The following LDLRAD3 variants were observed in gnomAD, a reference collection of about 807,000 sequenced individuals.
LDLRAD3 encodes low density lipoprotein receptor class A domain containing 3, also known as low-density lipoprotein receptor class A domain-containing protein 3.
Under a neutral mutation model 29.4 loss-of-function variants are expected in LDLRAD3, and 20 were observed. That is an observed-to-expected ratio of 0.68 (90% CI 0.48 to 0.99). The LOEUF (loss-of-function observed/expected upper bound fraction) is 0.99. Ranked by LOEUF, LDLRAD3 falls within the 50% of genes least tolerant of loss-of-function variation. The pLI, the probability that LDLRAD3 is intolerant of heterozygous loss-of-function variation, is 0.00. For missense variants in LDLRAD3, 420 were observed against 454.3 expected (o/e 0.92, Z 0.69); for synonymous variants, 157 against 192.7 (o/e 0.81, Z 1.53).
chr11:36,025,895 C>T (rs1852160903), intron 1 of LDLRAD3, among the ~76,000 whole-genome samples: 1 of 150,432 alleles, frequency 6.6e-6, no homozygotes, highest in South Asian at 2.1e-4. Flanking sequence ...TTCTCCTGCC[C>T]TATCCTCCTG....
intron 1 of LDLRAD3, among the ~76,000 whole-genome samples, chr11:36,003,604 T>A (rs1851850797): frequency 1.3e-5 from 2 of 152,198 alleles, no homozygotes; most frequent in African/African-American, 2.4e-5. Context: ...TTACATGATC[T>A]CCCTTTGGCT....
intron 1 of LDLRAD3, among the ~76,000 whole-genome samples, chr11:35,963,536 C>T (rs1000267685): frequency 9.2e-5 from 14 of 152,174 alleles, no homozygotes; most frequent in African/African-American, 3.1e-4. Context: ...CTTTGCCACC[C>T]GATTAAAGCC....
At chr11:36,195,310 A>G (rs992750136) in intron 4 of LDLRAD3, among the ~76,000 whole-genome samples, 1 of 151,846 alleles carries the variant, frequency 6.6e-6, no homozygotes, top group Non-Finnish European at 1.5e-5. Context: ...GAAGCATCGT[A>G]CTATGTTGGC....
intron 1 of LDLRAD3, among the ~76,000 whole-genome samples, chr11:35,982,882 C>G (rs1851560342): frequency 9.0e-6 from 1 of 111,680 alleles, no homozygotes; most frequent in Non-Finnish European, 1.7e-5. Context: ...GAGACGGAGT[C>G]TTGCTCTGTC....
At chr11:35,945,754 C>T (rs1851048677) in intron 1 of LDLRAD3, among the ~76,000 whole-genome samples, 1 of 152,164 alleles carries the variant, frequency 6.6e-6, no homozygotes, top group South Asian at 2.1e-4. Flanking sequence ...CAAATGGAAA[C>T]TTATTTATTG....
intron 4 of LDLRAD3, among the ~76,000 whole-genome samples, chr11:36,220,376 C>T (rs1855411646): frequency 6.6e-6 from 1 of 152,124 alleles, no homozygotes; most frequent in Non-Finnish European, 1.5e-5. Flanking sequence ...TATATGTTAG[C>T]ACAAAGACCA....
At chr11:35,986,907 G>C (rs1851621987) in intron 1 of LDLRAD3, among the ~76,000 whole-genome samples, 1 of 152,204 alleles carries the variant, frequency 6.6e-6, no homozygotes, top group African/African-American at 2.4e-5. Flanking sequence ...CCATTTACTA[G>C]AGAAAATGAA....
At chr11:36,212,220 C>A (rs1470856583) in intron 4 of LDLRAD3, among the ~76,000 whole-genome samples, 1 of 152,152 alleles carries the variant, frequency 6.6e-6, no homozygotes, top group Non-Finnish European at 1.5e-5. Flanking sequence ...TCAGAGGTTT[C>A]CCTTTGGATG....
chr11:36,092,209 CA>C (rs1363880683), intron 3 of LDLRAD3, among the ~76,000 whole-genome samples: 1 of 152,218 alleles, frequency 6.6e-6, no homozygotes, highest in Non-Finnish European at 1.5e-5. Flanking sequence ...GGCTATAATA[CA>C]GGGTTGCCTT....
intron 1 of LDLRAD3, among the ~76,000 whole-genome samples, chr11:35,952,368 T>C (rs936391131): frequency 2.6e-5 from 4 of 152,222 alleles, no homozygotes; most frequent in African/African-American, 9.6e-5. Context: ...ATTGACTTCA[T>C]GCTTATCGTG....
In LDLRAD3 at chr11:36,159,150, G is replaced by A. The variant is rs551750314; in HGVS notation, c.454+60689G>A. On this transcript the variant is annotated intron_variant, in intron 4 of 5. Transcript: ENST00000315571. ...ACAGTGAGATAAGGAGATAGTGACA[G>A]TGATACATGTTGACAATTCCATTGA... Among the ~76,000 whole-genome samples the A allele has an allele frequency of 9.5e-4, 145 of 152,314 alleles. 1 individual carries two copies. Among genetic ancestry groups the A allele is most frequent in the African/African-American group, 3.4e-3 (141 of 41,572 alleles).
At chr11:36,012,485 G>A (rs1286791175) in intron 1 of LDLRAD3, among the ~76,000 whole-genome samples, 2 of 152,090 alleles carry the variant, frequency 1.3e-5, no homozygotes, top group Non-Finnish European at 2.9e-5. Flanking sequence ...TGAATTACCA[G>A]CATCACTCTT....
chr11:36,088,605 A>G (rs1853230778), intron 3 of LDLRAD3, among the ~76,000 whole-genome samples: 1 of 152,162 alleles, frequency 6.6e-6, no homozygotes, highest in Non-Finnish European at 1.5e-5. Context: ...GTCAATCCAG[A>G]TGAGAGTCCC....
chr11:36,050,603 G>C (rs926787747), intron 2 of LDLRAD3, among the ~76,000 whole-genome samples: 20 of 152,214 alleles, frequency 1.3e-4, no homozygotes, highest in African/African-American at 4.3e-4. Flanking sequence ...GTTCAGTGGT[G>C]ACAGTGCTGG....
rs1306320355 is a variant in LDLRAD3 at position 35,995,670 on chromosome 11, A to G, written c.47-40433A>G. ...TCTTCTTCCAAAAGAAGGCTGTTCCATCTACATTGAAAATCTGTTTTTAGT... is the reference window on the plus strand; with the variant it reads ...TCTTCTTCCAAAAGAAGGCTGTTCCGTCTACATTGAAAATCTGTTTTTAGT... On this transcript the variant is annotated intron_variant, in intron 1 of 5. Coordinates refer to ENST00000315571, the MANE Select transcript of LDLRAD3 (RefSeq NM_174902.4). Among the ~76,000 whole-genome samples, 3 of 152,260 alleles carry G rather than the reference A, an allele frequency of 2.0e-5. No homozygotes were observed. In the East Asian group the frequency reaches 5.8e-4, roughly 29 times the overall value.
At position 36,147,082 on chromosome 11, in the gene LDLRAD3, C is replaced by A. The variant is rs546007451; in HGVS notation, c.454+48621C>A. 4.2e-5 allele frequency among the ~76,000 whole-genome samples: 6 copies of A among 142,208 alleles called. No homozygotes were observed. The South Asian group carries it at 8.9e-4, about 21-fold the overall frequency. The allele number at this position is 142,208 out of a possible 152,430, so 93.3% of individuals were successfully genotyped here. A position where few individuals can be genotyped will look rare whatever the true frequency, so the allele number is the denominator to read the frequency against. On this transcript the variant is annotated intron_variant, in intron 4 of 5. Transcript: ENST00000315571. ...GGATTACAGGCGTTAGCCACCATGACTGGCCCCCATATTTACTTTTTTTTT... is the reference window on the plus strand; with the variant it reads ...GGATTACAGGCGTTAGCCACCATGAATGGCCCCCATATTTACTTTTTTTTT...
At chr11:36,082,453 A>G (rs1853129702) in intron 3 of LDLRAD3, among the ~76,000 whole-genome samples, 1 of 152,216 alleles carries the variant, frequency 6.6e-6, no homozygotes, top group South Asian at 2.1e-4. Context: ...GGCTGCAGTG[A>G]GCTGAGATGG....
intron 3 of LDLRAD3, among the ~76,000 whole-genome samples, chr11:36,088,263 A>G (rs1853224839): frequency 6.6e-6 from 1 of 151,860 alleles, no homozygotes; most frequent in South Asian, 2.1e-4. Context: ...CGCTGTCCTC[A>G]TACGTTCTTG....
rs1447973648 is a variant in LDLRAD3, at chr11:35,963,738, A to G, written c.46+19594A>G. ...CTGTATGTGCTTACCATCTATTTTT[A>G]AATGACCTGTTTGGTATTATTGTCA... On this transcript the variant is annotated intron_variant, in intron 1 of 5. Transcript: ENST00000315571. Among the ~76,000 whole-genome samples, 3 of 152,246 alleles carry G rather than the reference A, an allele frequency of 2.0e-5. No individual in the cohort carries two copies. In the East Asian group the frequency reaches 5.8e-4, roughly 29 times the overall value.
Sources: gnomAD v4.1 joint callset for allele counts (sites outside exome capture counted in the v4.1 genomes callset) on GRCh38, gnomAD v4.1.1 for gene constraint, MANE v1.5 for transcripts, NCBI Gene and HGNC (gene_info 2026-07-23, HGNC 2026-07-21) for gene names.